PPEF1: variants seen among roughly 807,000 people sequenced by gnomAD.
PPEF1 encodes serine/threonine-protein phosphatase with EF-hands 1.
A neutral mutation model predicts 53.3 loss-of-function variants in PPEF1; 12 were observed. That is an observed-to-expected ratio of 0.23 (90% CI 0.14 to 0.36). The LOEUF is 0.36. Among genes scored for constraint, PPEF1 ranks in the 10% least tolerant of loss-of-function variants. The pLI is 1.00. For missense variants in PPEF1, 334 were observed against 490.4 expected, an observed-to-expected ratio of 0.68 and a Z score of 3.01; for synonymous variants, 165 against 176.7, an observed-to-expected ratio of 0.93 and a Z score of 0.52.
intron 10 of PPEF1, among the ~76,000 whole-genome samples, chrX:18,793,451 C>CT (rs1463487669): frequency 9.0e-6 from 1 of 111,062 alleles, no homozygotes; most frequent in East Asian, 2.8e-4. Flanking sequence ...AACTTTTTTT[C>CT]TTTTTTTGGT....
chrX:18,758,486 A>C (rs2045594323), intron 5 of PPEF1, among the ~76,000 whole-genome samples: 1 of 111,799 alleles, frequency 8.9e-6, no homozygotes, highest in Admixed American at 9.5e-5. Flanking sequence ...GAATTTGACA[A>C]TCTAATTAAA....
chrX:18,774,059 A>T (rs2045920451), intron 6 of PPEF1, among the ~76,000 whole-genome samples: 1 of 111,341 alleles, frequency 9.0e-6, no homozygotes, highest in Non-Finnish European at 1.9e-5. Flanking sequence ...TCTCCTCTTG[A>T]TCTTTCCCTG....
chrX:18,749,507 T>C (rs1053264918), intron 3 of PPEF1, among the ~76,000 whole-genome samples: 4 of 111,450 alleles, frequency 3.6e-5, no homozygotes, highest in African/African-American at 9.8e-5. Flanking sequence ...AATACCTTGA[T>C]TGGCTAGTTT....
chrX:18,759,394 A>C (rs1237722276), intron 5 of PPEF1, among the ~76,000 whole-genome samples: 6 of 111,735 alleles, frequency 5.4e-5, no homozygotes, highest in Non-Finnish European at 1.9e-5. Flanking sequence ...AAAATTTGCT[A>C]TTATTTTAAT....
chrX:18,676,137 G>T (rs911096084), intron 1 of PPEF1: 1 of 110,991 alleles, frequency 9.0e-6, no homozygotes, highest in African/African-American at 3.3e-5. Context: ...CCAGGTGGGT[G>T]CAGGGAACAC....
At chrX:18,719,241 G>A (rs2044526460) in intron 1 of PPEF1, among the ~76,000 whole-genome samples, 1 of 111,296 alleles carries the variant, frequency 9.0e-6, no homozygotes, top group Non-Finnish European at 1.9e-5. Flanking sequence ...TATTCTCTTG[G>A]TCTGAGTGTT....
chrX:18,740,652 G>A (rs1416646104), intron 3 of PPEF1, among the ~76,000 whole-genome samples: 1 of 110,909 alleles, frequency 9.0e-6, no homozygotes, highest in African/African-American at 3.3e-5. Context: ...CTCGTGATCT[G>A]CCTGCCTCAG....
At chrX:18,761,482 A>G (rs1223705744) in intron 5 of PPEF1, 48 bp from the exon 6 acceptor site, 8 of 1,090,745 alleles carry the variant, frequency 7.3e-6, no homozygotes, top group Admixed American at 6.6e-5. Flanking sequence ...AAAAATGGGC[A>G]TTGCATCTTG....
chrX:18,793,406 C>A, intron 10 of PPEF1, among the ~76,000 whole-genome samples: 1 of 111,427 alleles, frequency 9.0e-6, no homozygotes, highest in Middle Eastern at 4.7e-3. Context: ...TTGTGGTCAG[C>A]GAACACATGC....
At chrX:18,806,997 TTTTTTGG>T (rs1195835843) in intron 12 of PPEF1, among the ~76,000 whole-genome samples, 17 of 52,458 alleles carry the variant, frequency 3.2e-4, no homozygotes, top group African/African-American at 1.5e-3. Context: ...TCTAAGTGTT[TTTTTTGG>T]TTTTTTTTTT....
At position 18,811,587 on chromosome X, in the gene PPEF1, G is replaced by GTATATA. The variant is rs59907227; in HGVS notation, c.1394+5066_1394+5071dup. 3.1e-3 allele frequency among the ~76,000 whole-genome samples: 135 copies of GTATATA among 43,951 alleles called. 1 individual carries two copies. The highest frequency in any genetic ancestry group is 3.2e-3 in the Non-Finnish European group (76 of 23,390). The allele number at this position is 43,951 out of a possible 115,157, so 38.2% of individuals were successfully genotyped here. A position where few individuals can be genotyped will look rare whatever the true frequency, so the allele number is the denominator to read the frequency against. ...ATTCTATATACACATCACTTATTCA[G>GTATATA]TATATATATATATATATATATATAT... On this transcript the variant is annotated intron_variant, in intron 12 of 15. Coordinates refer to ENST00000470157, the MANE Select transcript of PPEF1 (RefSeq NM_001377996.1).
At chrX:18,687,081 A>G (rs1247567849) in intron 3 of PPEF1, among the ~76,000 whole-genome samples, 1 of 111,521 alleles carries the variant, frequency 9.0e-6, no homozygotes, top group Non-Finnish European at 1.9e-5. Context: ...AGGGGGAAGG[A>G]CAAAAGAGAA....
intron 2 of PPEF1, among the ~76,000 whole-genome samples, chrX:18,730,778 G>A (rs965226255): frequency 1.9e-5 from 2 of 107,274 alleles, no homozygotes; most frequent in South Asian, 8.3e-4. Context: ...GCAATGGCAC[G>A]GTCTCAGCTC....
chrX:18,803,739 G>A (rs1314795360), intron 10 of PPEF1, among the ~76,000 whole-genome samples, 153 bp from the exon 11 acceptor site: 2 of 112,337 alleles, frequency 1.8e-5, no homozygotes, highest in Non-Finnish European at 3.8e-5. Flanking sequence ...TCACAGGCAT[G>A]AGCCACCACG....
chrX:18,711,567 T>A lies in PPEF1; in HGVS notation c.46+3741T>A, dbSNP rs1318670519. On this transcript the variant is annotated intron_variant, in intron 1 of 15. Transcript: ENST00000470157. ...GTGTGAGGTAGGAGTACAAATTCAT[T>A]TTTTGCATGTGGATATCCAGTTGTC... Among the ~76,000 whole-genome samples the A allele has an allele frequency of 7.2e-5, 8 of 111,575 alleles. No homozygotes were observed. The South Asian group carries it at 2.2e-3, about 31-fold the overall frequency.
intron 4 of PPEF1, among the ~76,000 whole-genome samples, chrX:18,755,835 T>C (rs2045538535): frequency 9.0e-6 from 1 of 111,452 alleles, no homozygotes; most frequent in African/African-American, 3.3e-5. Flanking sequence ...CGTCTGTTGC[T>C]TGGCATGTTT....
chrX:18,819,342 T>A (rs892309245), intron 13 of PPEF1, among the ~76,000 whole-genome samples: 1 of 111,696 alleles, frequency 9.0e-6, no homozygotes, highest in Non-Finnish European at 1.9e-5. Context: ...GCATAATGAA[T>A]GGGTTAAACG....
chrX:18,681,923 C>T (rs2147223213), upstream of PPEF1, among the ~76,000 whole-genome samples: 1 of 112,230 alleles, frequency 8.9e-6, no homozygotes, highest in Non-Finnish European at 1.9e-5. Context: ...TCTGCACTGT[C>T]CGCGGAACTG....
At position 18,761,615 on chromosome X, in the gene PPEF1, G is replaced by A. The variant is rs763733999; in HGVS notation, c.558+39G>A. Reference sequence around the variant, plus strand: ...TTGCTAAATATTAACATTTTTCTTGGGGGAGGGCAGTCTTAGGGCAGATAA... The same window carrying A: ...TTGCTAAATATTAACATTTTTCTTGAGGGAGGGCAGTCTTAGGGCAGATAA... On this transcript the variant is annotated intron_variant, in intron 6 of 15. Coordinates refer to ENST00000470157, the MANE Select transcript of PPEF1 (RefSeq NM_001377996.1). 4 of 1,038,616 alleles carry A rather than the reference G, an allele frequency of 3.9e-6. No individual in the cohort carries two copies. The African/African-American group carries it at 7.5e-5, about 19-fold the overall frequency. 85.6% of individuals were successfully genotyped at this position (1,038,616 alleles called of 1,213,427 possible). A position where few individuals can be genotyped will look rare whatever the true frequency, so the allele number is the denominator to read the frequency against.
Sources: gnomAD v4.1 joint callset for allele counts (sites outside exome capture counted in the v4.1 genomes callset) on GRCh38, gnomAD v4.1.1 for gene constraint, MANE v1.5 for transcripts, NCBI Gene and HGNC (gene_info 2026-07-23, HGNC 2026-07-21) for gene names.